PTGR2: variants seen among roughly 807,000 people sequenced by gnomAD.
The protein encoded by PTGR2 is 15-oxoprostaglandin 13-reductase.
A neutral mutation model predicts 43.4 loss-of-function variants in PTGR2; 32 were observed. The ratio of observed to expected loss-of-function variants is 0.74; its 90% CI spans 0.56 to 0.99. PTGR2 has a LOEUF of 0.99. PTGR2 is among the 50% of genes least tolerant of loss of function. The pLI, the probability that PTGR2 is intolerant of heterozygous loss-of-function variation, is 0.00. For missense variants in PTGR2, 373 were observed against 420.0 expected (o/e 0.89, Z 0.98); for synonymous variants, 106 against 139.2 (o/e 0.76, Z 1.68).
chr14:73,854,907 T>C (rs1040433312), intron 1 of PTGR2, among the ~76,000 whole-genome samples: 30 of 152,216 alleles, frequency 2.0e-4, no homozygotes, highest in African/African-American at 7.2e-4. Context: ...AGCCTCTAGA[T>C]GTAACTAGCA....
rs531824268 is a variant in PTGR2 at position 73,866,009 on chromosome 14, T to C, written c.156+5352T>C. Among the ~76,000 whole-genome samples, 545 of 146,770 alleles carry C rather than the reference T, an allele frequency of 3.7e-3. 4 individuals are homozygous for C. Among genetic ancestry groups the C allele is most frequent in the African/African-American group, 0.013 (533 of 39,604 alleles). On this transcript the variant is annotated intron_variant, in intron 3 of 9. Transcript: ENST00000555661. ...TGTGAGTCTTCCAATCTGTTTTTCT[T>C]TTTTTTTTTTTGAGATGGAGTCTTG...
At chr14:73,871,656 A>G (rs117059808) in intron 3 of PTGR2, among the ~76,000 whole-genome samples, 2,422 of 152,094 alleles carry the variant, frequency 0.016, 31 homozygotes, top group Non-Finnish European at 0.024. Flanking sequence ...ACCTGACACT[A>G]TATCCAGGTA....
At chr14:73,863,915 C>T (rs1226602110) in intron 3 of PTGR2, among the ~76,000 whole-genome samples, 3 of 152,048 alleles carry the variant, frequency 2.0e-5, no homozygotes, top group East Asian at 1.9e-4. Flanking sequence ...CACACCTGGC[C>T]GACTCATATC....
At chr14:73,873,077 G>C (rs1289620288) in intron 3 of PTGR2, among the ~76,000 whole-genome samples, 2 of 152,100 alleles carry the variant, frequency 1.3e-5, no homozygotes, top group African/African-American at 2.4e-5. Flanking sequence ...TTGAGAGGCT[G>C]CGGGCAGTAC....
Position 73,876,936 on chromosome 14 carries a change from CTACTT to C in PTGR2, c.349-60_349-56del, listed in dbSNP as rs2054879285. 7.0e-6 allele frequency: 9 copies of C among 1,289,504 alleles called. No individual in the cohort carries two copies. The South Asian group carries it at 1.2e-4, about 17-fold the overall frequency. 79.9% of individuals were successfully genotyped at this position (1,289,504 alleles called of 1,614,324 possible). A position where few individuals can be genotyped will look rare whatever the true frequency, so the allele number is the denominator to read the frequency against. On this transcript the variant is annotated intron_variant, in intron 4 of 9. Transcript: ENST00000555661. The stretch of plus-strand genomic sequence containing the variant: ...CAATTCAGTCCATAACACGTTGTCT[CTACTT>C]TGTTGTCTCAAAACAGGAATTCCTA...
chr14:73,853,656 T>C (rs2054280934), intron 1 of PTGR2, among the ~76,000 whole-genome samples: 1 of 152,126 alleles, frequency 6.6e-6, no homozygotes, highest in Non-Finnish European at 1.5e-5. Flanking sequence ...GAGGATGATA[T>C]TACCAACCTC....
intron 3 of PTGR2, among the ~76,000 whole-genome samples, chr14:73,864,000 C>G (rs112686859): frequency 1.1e-4 from 17 of 152,254 alleles, no homozygotes; most frequent in Admixed American, 3.3e-4. Flanking sequence ...TCCAGGGATC[C>G]TCCTGCCTCA....
rs545660980 is a variant in PTGR2 at position 73,856,114 on chromosome 14, T to A, written c.-47-2702T>A. 4.6e-5 allele frequency among the ~76,000 whole-genome samples: 7 copies of A among 152,222 alleles called. No individual in the cohort carries two copies. The South Asian group carries it at 1.5e-3, about 32-fold the overall frequency. On this transcript the variant is annotated intron_variant, in intron 1 of 9. Coordinates refer to ENST00000555661, the MANE Select transcript of PTGR2 (RefSeq NM_001146154.2). ...GTGCATAGTGTTAATAAAGTCTAAG[T>A]AGCCTACAGTAATGTCCTAGGCTTT...
At chr14:73,869,949 C>T (rs950799517) in intron 3 of PTGR2, among the ~76,000 whole-genome samples, 4 of 151,764 alleles carry the variant, frequency 2.6e-5, no homozygotes, top group Non-Finnish European at 4.4e-5. Context: ...TCGCTTGAGC[C>T]GGGGAGGCGG....
intron 3 of PTGR2, chr14:73,861,333 G>A (rs2054484593): frequency 1.3e-5 from 2 of 152,340 alleles, no homozygotes; most frequent in Admixed American, 6.5e-5. Flanking sequence ...TTGGCTCTAC[G>A]AGCTGGCGTC....
chr14:73,877,189 T>A (rs745732695), intron 5 of PTGR2, 21 bp downstream of exon 5: 2 of 1,588,854 alleles, frequency 1.3e-6, no homozygotes, highest in African/African-American at 2.7e-5. Context: ...TGAGAATTAT[T>A]TGATTTTCTG....
At chr14:73,877,195 T>A (rs775455388) in intron 5 of PTGR2, 27 bp downstream of exon 5, 1 of 1,576,410 alleles carries the variant, frequency 6.3e-7, no homozygotes, top group Non-Finnish European at 8.7e-7. Flanking sequence ...TTATTTGATT[T>A]TCTGATTATT....
chr14:73,854,638 G>C (rs1039088097), intron 1 of PTGR2, among the ~76,000 whole-genome samples: 1 of 152,152 alleles, frequency 6.6e-6, no homozygotes, highest in Non-Finnish European at 1.5e-5. Context: ...GGGCAAATAT[G>C]ATATTTCATT....
At chr14:73,867,110 AAAAAAAC>A (rs1446718033) in intron 3 of PTGR2, among the ~76,000 whole-genome samples, 2 of 136,448 alleles carry the variant, frequency 1.5e-5, no homozygotes, top group Non-Finnish European at 3.2e-5. Context: ...AAAAAAAAAC[AAAAAAAC>A]AAAAAAAAGA....
chr14:73,856,497 C>G (rs572938460), intron 1 of PTGR2, among the ~76,000 whole-genome samples: 1 of 152,090 alleles, frequency 6.6e-6, no homozygotes, highest in Non-Finnish European at 1.5e-5. Context: ...GTGATCTGCC[C>G]GCCTTGGCCT....
At chr14:73,868,953 T>A (rs2054664774) in intron 3 of PTGR2, among the ~76,000 whole-genome samples, 2 of 152,192 alleles carry the variant, frequency 1.3e-5, no homozygotes, top group Admixed American at 1.3e-4. Flanking sequence ...TCTATCATTT[T>A]ACCATACCTG....
intron 1 of PTGR2, among the ~76,000 whole-genome samples, chr14:73,857,670 T>G (rs888394560): frequency 8.6e-6 from 1 of 115,876 alleles, no homozygotes; most frequent in African/African-American, 3.1e-5. Flanking sequence ...TAGTGTTTTT[T>G]TTTTTTTTTT....
rs965009189 is a variant in PTGR2, at chr14:73,884,897, T to C, written c.*720T>C. 6.6e-6 allele frequency: 1 copy of C among 152,170 alleles called. No individual in the cohort carries two copies. Among genetic ancestry groups the C allele is most frequent in the Non-Finnish European group, 1.5e-5 (1 of 68,056 alleles). The allele number at this position is 152,170 out of a possible 1,614,324, so 9.4% of individuals were successfully genotyped here. The stretch of plus-strand genomic sequence containing the variant: ...GTATAGCCTAAAAACTCCATATATA[T>C]TGAGAAAAGCATATGTTTATTTTAG... On this transcript the variant is annotated 3_prime_UTR_variant, in exon 10 of 10. Transcript: ENST00000555661.
intron 3 of PTGR2, among the ~76,000 whole-genome samples, chr14:73,863,146 A>G (rs2140243873): frequency 6.6e-6 from 1 of 152,280 alleles, no homozygotes; most frequent in Admixed American, 6.5e-5. Context: ...CAACATTTTC[A>G]TCCCCAGAAG....
Sources: allele counts gnomAD v4.1 joint callset (sites outside exome capture counted in the v4.1 genomes callset), GRCh38; gene constraint gnomAD v4.1.1; transcripts MANE v1.5; gene names NCBI Gene and HGNC (gene_info 2026-07-23, HGNC 2026-07-21).